Variants in WDR19 observed in about 807,000 individuals in gnomAD.
WDR19 encodes WD repeat domain 19.
In WDR19, 121 loss-of-function variants were observed where a neutral mutation model predicts 180.0. The observed-to-expected ratio is 0.67, with a 90% CI of 0.58 to 0.78. The LOEUF (loss-of-function observed/expected upper bound fraction) is 0.78. Among genes scored for constraint, WDR19 ranks in the 30% least tolerant of loss-of-function variants. The probability of loss-of-function intolerance (pLI) is 0.00; values close to 1 mark genes in which losing one functional copy is unlikely to be tolerated. For missense variants in WDR19, 1,450 were observed against 1,640.7 expected (o/e 0.88, Z 2.01); for synonymous variants, 497 against 540.7 (o/e 0.92, Z 1.12).
rs188405975 is a variant in WDR19 at position 39,261,712 on chromosome 4, A to G, written c.3183+4158A>G. Reference sequence around the variant, plus strand: ...GTAGAAGCATCTCTCAGAAGAGCTGAAGGAATGAATATTAGACAAAATTAT... The same window carrying G: ...GTAGAAGCATCTCTCAGAAGAGCTGGAGGAATGAATATTAGACAAAATTAT... On this transcript the variant is annotated intron_variant, in intron 28 of 36. Transcript: ENST00000399820. Among the ~76,000 whole-genome samples, 36 of 152,306 alleles carry G rather than the reference A, an allele frequency of 2.4e-4. 1 individual carries two copies. The East Asian group carries it at 5.6e-3, about 24-fold the overall frequency.
At position 39,205,673 on chromosome 4, in the gene WDR19, A is replaced by G. The variant is rs760748596; in HGVS notation, c.827A>G (p.Asp276Gly). The G allele has an allele frequency of 6.2e-7, 1 of 1,611,878 alleles. No homozygotes were observed. Residue 276 changes from aspartate to glycine, a missense_variant, in exon 9 of 37, where the codon GAT (aspartate) becomes GGT (glycine). By Grantham distance (94) the Asp-to-Gly change is moderately conservative (BLOSUM62 -1). Transcript: ENST00000399820. The stretch of plus-strand genomic sequence containing the variant: ...ATATTTCAGGCTCGTAACCATAAAG[A>G]TAATCTAACCAGCATTGCAGTATCA... ...QEIFQARNHKDNLTSIAVSQT... is the reference protein window; with the variant it reads ...QEIFQARNHKGNLTSIAVSQT...
At chr4:39,212,524 C>G (rs796863136) in intron 9 of WDR19, among the ~76,000 whole-genome samples, 21 of 152,166 alleles carry the variant, frequency 1.4e-4, no homozygotes, top group African/African-American at 4.6e-4. Context: ...GGACGCGGTG[C>G]CTCACATCTG....
In WDR19 at chr4:39,189,746, C is replaced by T. The variant is rs762839914; in HGVS notation, c.255C>T (p.Asn85=). 2.5e-6 allele frequency: 4 copies of T among 1,610,850 alleles called. No homozygotes were observed. In the African/African-American group the frequency reaches 5.4e-5, roughly 22 times the overall value. The change falls in exon 4 of 37, where the codon AAC becomes AAT. Residue 85 remains asparagine, a synonymous_variant. Transcript: ENST00000399820. ...GCTGCATTTATCTTTGGGATGCCAACACAAATAAGACCAGCCAGTTAGACA... is the reference window on the plus strand; with the variant it reads ...GCTGCATTTATCTTTGGGATGCCAATACAAATAAGACCAGCCAGTTAGACA... The part of the protein sequence containing the change: ...KSSCIYLWDA[N]TNKTSQLDNG...
At chr4:39,183,281 GCT>G (rs1725161124) in intron 1 of WDR19, among the ~76,000 whole-genome samples, 1 of 35,232 alleles carries the variant, frequency 2.8e-5, no homozygotes, top group Admixed American at 4.7e-4. Flanking sequence ...ACTGAGTCTC[GCT>G]CTGTTACCCA....
In WDR19 at chr4:39,194,559, C is replaced by T. The variant is rs1396977829; in HGVS notation, c.306C>T (p.Phe102=). The T allele has an allele frequency of 3.1e-6, 5 of 1,611,102 alleles. No individual in the cohort carries two copies. The South Asian group carries it at 3.3e-5, about 11-fold the overall frequency. ...LDNGMRDQMS[F]LLWSKVGSFL... The stretch of plus-strand genomic sequence containing the variant: ...AATGTTACAGGGATCAAATGTCTTT[C>T]CTTCTTTGGTCAAAAGTTGGAAGTT... The change falls in exon 5 of 37, where the codon TTC becomes TTT. Residue 102 remains phenylalanine, a synonymous_variant. Coordinates refer to ENST00000399820, the MANE Select transcript of WDR19 (RefSeq NM_025132.4).
At chr4:39,184,936 G>T (rs1344949798) in intron 1 of WDR19, among the ~76,000 whole-genome samples, 1 of 151,906 alleles carries the variant, frequency 6.6e-6, no homozygotes, top group Non-Finnish European at 1.5e-5. Flanking sequence ...TAAGAAAACA[G>T]GTAAAATTTA....
At chr4:39,228,086 T>G (rs1018291516) in intron 15 of WDR19, 124 bp from the exon 16 acceptor site, 2 of 913,726 alleles carry the variant, frequency 2.2e-6, no homozygotes, top group South Asian at 2.2e-5. Context: ...GTTGTTGGAG[T>G]GATGTTAGGT....
intron 24 of WDR19, among the ~76,000 whole-genome samples, chr4:39,249,752 G>C (rs1732943636): frequency 1.3e-5 from 2 of 152,230 alleles, no homozygotes; most frequent in Admixed American, 1.3e-4. Context: ...TAGAAGAAAT[G>C]GATAAATTCC....
chr4:39,213,123 T>C (rs1048857048), intron 9 of WDR19, among the ~76,000 whole-genome samples: 1 of 152,196 alleles, frequency 6.6e-6, no homozygotes, highest in African/African-American at 2.4e-5. Context: ...GGATTACTCA[T>C]ACATTGCTGG....
Position 39,268,014 on chromosome 4 carries a change from G to A in WDR19, c.3281G>A (p.Arg1094His), listed in dbSNP as rs781620821. 1.1e-5 allele frequency: 17 copies of A among 1,604,492 alleles called. No homozygotes were observed. In the Admixed American group the frequency reaches 1.5e-4, roughly 14 times the overall value. Residue 1094 changes from arginine (R) to histidine (H), a missense_variant, in exon 30 of 37, where the codon CGC becomes CAC. Physicochemically the swap from Arg to His is conservative, Grantham distance 29. Coordinates refer to ENST00000399820, the MANE Select transcript of WDR19 (RefSeq NM_025132.4). ...GMPKDAKYLF[R>H]LYMALKQYRE... ...TGTCAGGATGCCAAGTACCTGTTCC[G>A]CTTGTACATGGCTCTGAAGCAATAC...
intron 33 of WDR19, among the ~76,000 whole-genome samples, chr4:39,276,154 T>C (rs1735868906): frequency 6.6e-6 from 1 of 152,136 alleles, no homozygotes; most frequent in African/African-American, 2.4e-5. Flanking sequence ...GATGACTGGA[T>C]TGGTAATGAC....
At position 39,214,560 on chromosome 4, in the gene WDR19, AG is replaced by A. The variant is rs1302958039; in HGVS notation, c.891-40del. The stretch of plus-strand genomic sequence containing the variant: ...TGTGAATTAAAACAGTTTTATATAA[AG>A]ATCATATATATTTTTTAATAATGCA... On this transcript the variant is annotated intron_variant, in intron 9 of 36. Coordinates refer to ENST00000399820, the MANE Select transcript of WDR19 (RefSeq NM_025132.4). The A allele has an allele frequency of 3.4e-6, 4 of 1,176,360 alleles. No homozygotes were observed. In the South Asian group the frequency reaches 5.8e-5, roughly 17 times the overall value. The allele number at this position is 1,176,360 out of a possible 1,614,324, so 72.9% of individuals were successfully genotyped here.
chr4:39,204,442 C>A (rs1234287074), intron 7 of WDR19, among the ~76,000 whole-genome samples: 2 of 152,152 alleles, frequency 1.3e-5, no homozygotes, highest in Admixed American at 1.3e-4. Context: ...TCTTAACATT[C>A]TGAAATCAGT....
At chr4:39,258,069 A>G (rs1733932743) in intron 28 of WDR19, among the ~76,000 whole-genome samples, 1 of 152,242 alleles carries the variant, frequency 6.6e-6, no homozygotes, top group South Asian at 2.1e-4. Flanking sequence ...TAGAAACAGA[A>G]TCACACATGT....
At chr4:39,270,134 GCC>G (rs766121219) in intron 31 of WDR19, 34 bp downstream of exon 31, 53 of 1,608,100 alleles carry the variant, frequency 3.3e-5, no homozygotes, top group Non-Finnish European at 4.3e-5. Context: ...GACATAACCT[GCC>G]AGGTGTTTGT....
chr4:39,235,505 A>G (rs899702288), intron 20 of WDR19, among the ~76,000 whole-genome samples: 1 of 152,186 alleles, frequency 6.6e-6, no homozygotes, highest in African/African-American at 2.4e-5. Context: ...ACTTATGTTC[A>G]TGGTTCTGAC....
chr4:39,274,877 G>T lies in WDR19; in HGVS notation c.3635G>T (p.Ser1212Ile). 6.2e-7 allele frequency: 1 copy of T among 1,614,034 alleles called. No homozygotes were observed. The highest frequency in any genetic ancestry group is 8.5e-7 in the Non-Finnish European group (1 of 1,179,908). Residue 1212 changes from serine (S) to isoleucine (I), a missense_variant, in exon 33 of 37, where the codon AGC becomes ATC. By Grantham distance (142) the Ser-to-Ile change is moderately radical. Coordinates refer to ENST00000399820, the MANE Select transcript of WDR19 (RefSeq NM_025132.4). ...HRAGLKNSAF[S>I]FAAMLMRPEY... Reference sequence around the variant, plus strand: ...GCAGGCCTGAAGAACTCTGCTTTCAGCTTCGCAGCTATGTTGATGAGGCCT... The same window carrying T: ...GCAGGCCTGAAGAACTCTGCTTTCATCTTCGCAGCTATGTTGATGAGGCCT...
At chr4:39,183,950 C>T (rs1251470669) in intron 1 of WDR19, among the ~76,000 whole-genome samples, 1 of 152,190 alleles carries the variant, frequency 6.6e-6, no homozygotes, top group Non-Finnish European at 1.5e-5. Context: ...TTCTCACTTG[C>T]ATGAAGGAGT....
chr4:39,232,116 TA>T, intron 18 of WDR19, 45 bp from the exon 19 acceptor site: 1 of 1,536,704 alleles, frequency 6.5e-7, no homozygotes, highest in Non-Finnish European at 8.9e-7. Flanking sequence ...AAAAAAAAGT[TA>T]AACTCTTGCA....
Sources: allele counts gnomAD v4.1 joint callset (sites outside exome capture counted in the v4.1 genomes callset), GRCh38; gene constraint gnomAD v4.1.1; transcripts MANE v1.5; gene names NCBI Gene and HGNC (gene_info 2026-07-23, HGNC 2026-07-21).